XKR6: variants seen among roughly 807,000 people sequenced by gnomAD.
XKR6 encodes XK-related protein 6.
A neutral mutation model predicts 56.7 loss-of-function variants in XKR6; 22 were observed. That is an observed-to-expected ratio of 0.39 (90% confidence interval 0.28 to 0.55). The LOEUF is 0.55. Among genes scored for constraint, XKR6 ranks in the 20% least tolerant of loss-of-function variants. XKR6 has a pLI of 0.66. For synonymous variants in XKR6, 524 were observed against 387.8 expected (o/e 1.35, Z -4.13); for missense variants, 852 against 889.0 (o/e 0.96, Z 0.53).
chr8:11,120,164 T>C (rs1015485904), intron 1 of XKR6, among the ~76,000 whole-genome samples: 3 of 152,112 alleles, frequency 2.0e-5, no homozygotes, highest in East Asian at 1.9e-4. Context: ...CTATTCAACA[T>C]AGTGTTGGAA....
chr8:10,948,832 C>G (rs138124952), intron 1 of XKR6, among the ~76,000 whole-genome samples: 24 of 152,362 alleles, frequency 1.6e-4, no homozygotes, highest in Admixed American at 2.6e-4. Flanking sequence ...CCTGGGGCCT[C>G]CCTGGGAAAC....
At chr8:10,928,366 G>T (rs1277844530) in intron 1 of XKR6, among the ~76,000 whole-genome samples, 2 of 152,184 alleles carry the variant, frequency 1.3e-5, no homozygotes, top group African/African-American at 4.8e-5. Context: ...AGCTTTACCT[G>T]GTGTCTGTCT....
chr8:10,898,168 G>A lies in XKR6; in HGVS notation c.1710C>T (p.Pro570=), dbSNP rs149169342. The stretch of plus-strand genomic sequence containing the variant: ...GGTAAGGACGCCCCAACGGGGTAGG[G>A]GGCCCCATGGGTCTCACTTGGAAAA... ...LPVFQVRPMG[P]PTPLGRPYLP... Residue 570 remains proline (P), a synonymous_variant, in exon 3 of 3, where the codon CCC becomes CCT. Coordinates refer to ENST00000416569, the MANE Select transcript of XKR6 (RefSeq NM_173683.4). This position sits in a 1 kb window ranked among gnomAD's most constrained non-coding sequence, Gnocchi z 6.6. 3 of 1,614,064 alleles carry A rather than the reference G, an allele frequency of 1.9e-6. No homozygotes were observed. The highest frequency in any genetic ancestry group is 2.5e-6 in the Non-Finnish European group (3 of 1,179,978).
intron 1 of XKR6, among the ~76,000 whole-genome samples, chr8:10,948,615 C>A (rs991028864): frequency 5.9e-5 from 9 of 152,148 alleles, no homozygotes; most frequent in Admixed American, 3.3e-4. Context: ...TCTATCCTTG[C>A]AGGACTTGGT....
intron 1 of XKR6, among the ~76,000 whole-genome samples, chr8:11,167,111 G>A (rs1304794483): frequency 6.6e-6 from 1 of 152,072 alleles, no homozygotes; most frequent in African/African-American, 2.4e-5. Context: ...AAAAATGTCA[G>A]AGTAGACAAT....
intron 1 of XKR6, among the ~76,000 whole-genome samples, chr8:11,174,152 A>G (rs952530600): frequency 1.3e-5 from 2 of 152,232 alleles, no homozygotes; most frequent in African/African-American, 2.4e-5. Flanking sequence ...GGCTCTGACA[A>G]AACAAAATGA....
chr8:11,016,960 T>G (rs4074694), intron 1 of XKR6, among the ~76,000 whole-genome samples: 3,593 of 152,272 alleles, frequency 0.024, 133 homozygotes, highest in African/African-American at 0.081. Flanking sequence ...TTAGAGAGAT[T>G]AGATAGAGAT....
At chr8:11,143,389 G>A (rs1044808901) in intron 1 of XKR6, among the ~76,000 whole-genome samples, 2 of 152,148 alleles carry the variant, frequency 1.3e-5, no homozygotes, top group African/African-American at 2.4e-5. Flanking sequence ...TAATTGTGCT[G>A]AAGGGATTAA....
chr8:11,159,492 G>T (rs749277177), intron 1 of XKR6, among the ~76,000 whole-genome samples: 1 of 152,208 alleles, frequency 6.6e-6, no homozygotes, highest in African/African-American at 2.4e-5. Flanking sequence ...CGCTGCTTCT[G>T]TATGGCCATC....
At chr8:10,965,478 C>T (rs529550234) in intron 1 of XKR6, among the ~76,000 whole-genome samples, 2 of 152,352 alleles carry the variant, frequency 1.3e-5, no homozygotes, top group African/African-American at 4.8e-5. Context: ...GCGCAGAGAA[C>T]ATTTTGCTGC....
At chr8:10,995,493 T>TACACACACAC (rs1798090174) in intron 1 of XKR6, among the ~76,000 whole-genome samples, 1 of 147,452 alleles carries the variant, frequency 6.8e-6, no homozygotes, top group Admixed American at 6.8e-5. Flanking sequence ...ATCATATATA[T>TACACACACAC]ATATATACAC....
chr8:11,023,549 C>T (rs1468147137), intron 1 of XKR6, among the ~76,000 whole-genome samples: 1 of 152,214 alleles, frequency 6.6e-6, no homozygotes, highest in East Asian at 1.9e-4. Flanking sequence ...CAGGTGTGAG[C>T]CACTGTGCCA....
intron 1 of XKR6, among the ~76,000 whole-genome samples, chr8:11,116,919 C>A (rs1336088023): frequency 6.6e-6 from 1 of 152,164 alleles, no homozygotes. Flanking sequence ...AATAAGGAGG[C>A]TGAATCCTCA....
At chr8:10,913,977 G>T (rs1800483723) in intron 2 of XKR6, among the ~76,000 whole-genome samples, 1 of 152,174 alleles carries the variant, frequency 6.6e-6, no homozygotes, top group Non-Finnish European at 1.5e-5. Flanking sequence ...CAAGAGGCTG[G>T]GAATGCAGTC....
At chr8:11,062,856 G>C (rs1198839629) in intron 1 of XKR6, 4 of 456,140 alleles carry the variant, frequency 8.8e-6, no homozygotes, top group East Asian at 6.9e-5. Flanking sequence ...CTAGCCAATG[G>C]GAGGTGAGTG....
intron 1 of XKR6, among the ~76,000 whole-genome samples, chr8:11,145,216 T>C (rs1800921920): frequency 6.6e-6 from 1 of 152,144 alleles, no homozygotes; most frequent in Admixed American, 6.5e-5. Flanking sequence ...GATATCTACA[T>C]CATGCTCAAC....
intron 1 of XKR6, among the ~76,000 whole-genome samples, chr8:10,992,686 C>A (rs185028995): frequency 6.6e-6 from 1 of 152,128 alleles, no homozygotes; most frequent in Admixed American, 6.5e-5. Flanking sequence ...TTGAACAATT[C>A]CCTGACCTCT....
intron 1 of XKR6, among the ~76,000 whole-genome samples, chr8:11,116,267 C>T (rs374435791): frequency 2.0e-5 from 3 of 152,150 alleles, no homozygotes; most frequent in African/African-American, 4.8e-5. Flanking sequence ...CATAGATACC[C>T]TTTTTCCACT....
Position 11,200,622 on chromosome 8 carries a change from T to C in XKR6, c.718A>G (p.Ile240Val). 6.5e-7 allele frequency: 1 copy of C among 1,549,908 alleles called. No homozygotes were observed. Among genetic ancestry groups the C allele is most frequent in the Admixed American group, 2.1e-5 (1 of 48,346 alleles). ...AGCAGGTGGATGACCGACTGCCAGA[T>C]CCACACGGAGAGGCGACACAGGCGC... ...AQRLCRLSVW[I>V]WQSVIHLLQM... Residue 240 changes from isoleucine to valine, a missense_variant, in exon 1 of 3, where the codon ATC becomes GTC. This residue lies in a region of XKR6 where 199 missense variants were observed against 280.4 expected (regional missense o/e 0.71). Transcript: ENST00000416569. This position sits in a 1 kb window ranked among gnomAD's most constrained non-coding sequence, Gnocchi z 6.4.
Sources: allele counts gnomAD v4.1 joint callset (sites outside exome capture counted in the v4.1 genomes callset), GRCh38; gene constraint gnomAD v4.1.1; regional missense constraint gnomAD v4.1.1; non-coding constraint Gnocchi (gnomAD v3.1); transcripts MANE v1.5; gene names NCBI Gene and HGNC (gene_info 2026-07-23, HGNC 2026-07-21).